The following NOVA1 variants were observed in gnomAD, a reference collection of about 807,000 sequenced individuals.
NOVA1 encodes the protein NOVA alternative splicing regulator 1, also known as RNA-binding protein Nova-1.
Under a neutral mutation model 38.0 loss-of-function variants are expected in NOVA1, and 7 were observed. The ratio of observed to expected loss-of-function variants is 0.18; its 90% CI spans 0.10 to 0.35. The LOEUF (loss-of-function observed/expected upper bound fraction) is 0.35, where lower values mean the gene tolerates loss of function less well. NOVA1 is among the 10% of genes least tolerant of loss of function. The pLI, the probability that NOVA1 is intolerant of heterozygous loss-of-function variation, is 1.00. For missense variants in NOVA1, 460 were observed against 616.0 expected (o/e 0.75, Z 2.68); for synonymous variants, 270 against 232.5 (o/e 1.16, Z -1.47).
At chr14:26,574,903 C>T (rs971269469) in intron 2 of NOVA1, among the ~76,000 whole-genome samples, 13 of 152,194 alleles carry the variant, frequency 8.5e-5, no homozygotes, top group African/African-American at 2.6e-4. Context: ...CTCCCACAAT[C>T]CTCCTGCCTC....
At chr14:26,464,094 T>C (rs1343350938) in intron 4 of NOVA1, among the ~76,000 whole-genome samples, 2 of 152,198 alleles carry the variant, frequency 1.3e-5, no homozygotes, top group East Asian at 3.9e-4. Context: ...AAGCCAGGTA[T>C]TATGGCTCAA....
chr14:26,547,684 T>C (rs1162618056), intron 2 of NOVA1, among the ~76,000 whole-genome samples: 1 of 152,122 alleles, frequency 6.6e-6, no homozygotes, highest in African/African-American at 2.4e-5. Context: ...ATGACTTCAG[T>C]AAATAAAATG....
At chr14:26,515,445 T>C (rs1199720127) in intron 2 of NOVA1, among the ~76,000 whole-genome samples, 3 of 152,082 alleles carry the variant, frequency 2.0e-5, no homozygotes, top group South Asian at 2.1e-4. Context: ...TCACTAGTAG[T>C]CGTCAATTGT....
intron 4 of NOVA1, among the ~76,000 whole-genome samples, chr14:26,463,173 G>C (rs178219): frequency 0.93 from 142,227 of 152,220 alleles, 67,153 homozygotes; most frequent in East Asian, 1. Flanking sequence ...GGTGAAATTG[G>C]TTTCCAACTT....
At chr14:26,566,081 GTAAAA>G (rs1409827679) in intron 2 of NOVA1, among the ~76,000 whole-genome samples, 3 of 152,024 alleles carry the variant, frequency 2.0e-5, no homozygotes. Context: ...CAGAGTCGTT[GTAAAA>G]TAAAAGACTA....
At chr14:26,540,408 C>A (rs947819510) in intron 2 of NOVA1, among the ~76,000 whole-genome samples, 1 of 152,190 alleles carries the variant, frequency 6.6e-6, no homozygotes, top group African/African-American at 2.4e-5. Context: ...AATCGTCTTC[C>A]ACAAAACCAG....
At chr14:26,580,918 T>C (rs1268972757) in intron 2 of NOVA1, among the ~76,000 whole-genome samples, 1 of 152,040 alleles carries the variant, frequency 6.6e-6, no homozygotes, top group Admixed American at 6.6e-5. Context: ...ATAAATTTAG[T>C]ATTATTAAAT....
intron 2 of NOVA1, among the ~76,000 whole-genome samples, chr14:26,518,360 A>C (rs1032021161): frequency 6.6e-6 from 1 of 151,984 alleles, no homozygotes; most frequent in African/African-American, 2.4e-5. Context: ...GCATTTTAAA[A>C]GTATTGCCAT....
At chr14:26,527,175 A>C (rs151156282) in intron 2 of NOVA1, among the ~76,000 whole-genome samples, 1,739 of 99,808 alleles carry the variant, frequency 0.017, 13 homozygotes, top group Non-Finnish European at 0.024. Context: ...AACACCCCCA[A>C]AGTCTGTTAT....
intron 2 of NOVA1, among the ~76,000 whole-genome samples, chr14:26,532,461 A>G (rs1256266365): frequency 6.6e-6 from 1 of 152,218 alleles, no homozygotes; most frequent in East Asian, 1.9e-4. Flanking sequence ...TATAAATGAA[A>G]CTCTGGAAAA....
At chr14:26,529,339 T>C (rs1033343997) in intron 2 of NOVA1, among the ~76,000 whole-genome samples, 1 of 152,078 alleles carries the variant, frequency 6.6e-6, no homozygotes, top group Non-Finnish European at 1.5e-5. Flanking sequence ...GGTTTCATCA[T>C]GTTGGCCAGG....
chr14:26,484,473 G>A (rs906098935), intron 2 of NOVA1, among the ~76,000 whole-genome samples: 68 of 123,654 alleles, frequency 5.5e-4, no homozygotes, highest in Non-Finnish European at 9.5e-4. Context: ...GAAATTAATT[G>A]TTCTATTTTA....
intron 2 of NOVA1, among the ~76,000 whole-genome samples, chr14:26,515,889 T>C (rs73599997): frequency 0.059 from 9,047 of 152,126 alleles, 777 homozygotes; most frequent in African/African-American, 0.19. Flanking sequence ...TATACATGTA[T>C]ACATAAAAAA....
chr14:26,451,382 T>A (rs1475928706), intron 4 of NOVA1, among the ~76,000 whole-genome samples: 2 of 152,096 alleles, frequency 1.3e-5, no homozygotes, highest in South Asian at 2.1e-4. Flanking sequence ...TTATTTATTT[T>A]TGAGAGACGG....
chr14:26,591,028 T>C (rs1033779878), intron 2 of NOVA1, among the ~76,000 whole-genome samples: 1 of 151,780 alleles, frequency 6.6e-6, no homozygotes, highest in South Asian at 2.1e-4. Flanking sequence ...ACAAAACATC[T>C]GCATACACAA....
At chr14:26,484,603 C>A (rs1364600103) in intron 2 of NOVA1, among the ~76,000 whole-genome samples, 1 of 152,070 alleles carries the variant, frequency 6.6e-6, no homozygotes. Context: ...TTTATAGATA[C>A]TCTCTTTCTA....
chr14:26,582,403 T>C (rs1473948477), intron 2 of NOVA1, among the ~76,000 whole-genome samples: 2 of 151,842 alleles, frequency 1.3e-5, no homozygotes, highest in African/African-American at 2.4e-5. Context: ...CCATGAGAAC[T>C]GGAATATGAA....
chr14:26,559,445 TA>T (rs1891687931), intron 2 of NOVA1, among the ~76,000 whole-genome samples: 2 of 152,180 alleles, frequency 1.3e-5, no homozygotes, highest in African/African-American at 4.8e-5. Flanking sequence ...CAGGTTTTTT[TA>T]TATGAGATCC....
chr14:26,487,277 T>C (rs990065467), intron 2 of NOVA1, among the ~76,000 whole-genome samples: 5 of 152,180 alleles, frequency 3.3e-5, no homozygotes, highest in Admixed American at 6.5e-5. Flanking sequence ...TTTTGTTTCC[T>C]TTCTATGTCC....
Sources: allele counts gnomAD v4.1 joint callset (sites outside exome capture counted in the v4.1 genomes callset), GRCh38; gene constraint gnomAD v4.1.1; transcripts MANE v1.5; gene names NCBI Gene and HGNC (gene_info 2026-07-23, HGNC 2026-07-21).